RIMS1: variants seen among roughly 807,000 people sequenced by gnomAD.
RIMS1 encodes regulating synaptic membrane exocytosis protein 1.
Under a neutral mutation model 214.1 loss-of-function variants are expected in RIMS1, and 83 were observed. That is an observed-to-expected ratio of 0.39 (90% CI 0.32 to 0.47). RIMS1 has a LOEUF of 0.47. RIMS1 is among the 20% of genes least tolerant of loss of function. The pLI is 0.99. For synonymous variants in RIMS1, 793 were observed against 786.8 expected, an observed-to-expected ratio of 1.01 and a Z score of -0.13; for missense variants, 2,050 against 2,161.8, an observed-to-expected ratio of 0.95 and a Z score of 1.03.
intron 2 of RIMS1, among the ~76,000 whole-genome samples, chr6:72,068,377 G>T (rs1054488730): frequency 6.6e-6 from 1 of 151,832 alleles, no homozygotes; most frequent in Admixed American, 6.6e-5. Context: ...AAAAATCATC[G>T]TGCTTAAGCA....
chr6:72,122,308 C>T (rs2038547346), intron 4 of RIMS1, among the ~76,000 whole-genome samples: 1 of 150,880 alleles, frequency 6.6e-6, no homozygotes, highest in South Asian at 2.1e-4. Flanking sequence ...AGGTTCATGC[C>T]ATTCTCCTGC....
chr6:72,254,829 C>T (rs2075096657), intron 16 of RIMS1, among the ~76,000 whole-genome samples: 1 of 152,142 alleles, frequency 6.6e-6, no homozygotes, highest in Admixed American at 6.6e-5. Flanking sequence ...TACTTATATT[C>T]CATACTGAAA....
At chr6:72,170,822 AAAT>A (rs2046927340) in intron 4 of RIMS1, among the ~76,000 whole-genome samples, 2 of 152,292 alleles carry the variant, frequency 1.3e-5, no homozygotes, top group South Asian at 4.1e-4. Context: ...TTGCAAAATA[AAAT>A]AATATTTATT....
chr6:72,133,862 C>T (rs1172059411), intron 4 of RIMS1, among the ~76,000 whole-genome samples: 1 of 152,068 alleles, frequency 6.6e-6, no homozygotes, highest in Non-Finnish European at 1.5e-5. Context: ...AAGATAGTTA[C>T]AGAGGGTGGG....
At chr6:71,959,992 G>C (rs1053947757) in intron 1 of RIMS1, among the ~76,000 whole-genome samples, 1 of 152,144 alleles carries the variant, frequency 6.6e-6, no homozygotes, top group African/African-American at 2.4e-5. Context: ...CAGGCCCACT[G>C]TAGGTGCCAG....
At chr6:72,151,672 ATC>A (rs1023773940) in intron 4 of RIMS1, among the ~76,000 whole-genome samples, 1 of 152,166 alleles carries the variant, frequency 6.6e-6, no homozygotes, top group Non-Finnish European at 1.5e-5. Context: ...AGTATCATAT[ATC>A]TCTCTCTATC....
chr6:72,200,351 A>G (rs1166565971), intron 6 of RIMS1, among the ~76,000 whole-genome samples: 1 of 152,114 alleles, frequency 6.6e-6, no homozygotes, highest in African/African-American at 2.4e-5. Context: ...AAAAGAGTCC[A>G]CCTGATTTCT....
intron 1 of RIMS1, among the ~76,000 whole-genome samples, chr6:71,933,346 C>T (rs191268125): frequency 9.9e-5 from 15 of 152,224 alleles, no homozygotes; most frequent in Admixed American, 7.9e-4. Context: ...GTCTTTCTCC[C>T]CAGTTGACTC....
At chr6:72,167,997 T>C (rs1363154841) in intron 4 of RIMS1, among the ~76,000 whole-genome samples, 2 of 152,104 alleles carry the variant, frequency 1.3e-5, no homozygotes, top group South Asian at 4.1e-4. Flanking sequence ...TTTTGAAAGA[T>C]CTGGAAATGG....
intron 6 of RIMS1, among the ~76,000 whole-genome samples, chr6:72,199,012 C>G (rs1403976474): frequency 2.0e-5 from 3 of 151,876 alleles, no homozygotes; most frequent in Admixed American, 1.3e-4. Context: ...CCCAGAAATT[C>G]AATGCAAGGA....
At position 72,250,907 on chromosome 6, in the gene RIMS1, T is replaced by C; in HGVS notation, c.2373-14T>C. 7.0e-7 allele frequency: 1 copy of C among 1,437,836 alleles called. No individual in the cohort carries two copies. The allele number at this position is 1,437,836 out of a possible 1,614,324, so 89.1% of individuals were successfully genotyped here. On this transcript the variant is annotated splice_polypyrimidine_tract_variant and intron_variant, in intron 13 of 33. Transcript: ENST00000521978. ...TACTTGCTTTTTCATTTACAAAACA[T>C]ACTTATTTTTCAGTGATAAAAGTAA...
rs188869983 is a variant in RIMS1, at chr6:72,155,980, A to G, written c.472-23595A>G. ...TGTTAGAAGATAACAAGTGTTGGTG[A>G]GGATATGGAGAAAAAAATAACACTT... On this transcript the variant is annotated intron_variant, in intron 4 of 33. Transcript: ENST00000521978. 8.2e-4 allele frequency: 194 copies of G among 236,094 alleles called. 14 individuals carry two copies. Among genetic ancestry groups the G allele is most frequent in the African/African-American group, 4.1e-3 (179 of 43,738 alleles). 14.6% of individuals were successfully genotyped at this position (236,094 alleles called of 1,614,324 possible).
intron 19 of RIMS1, chr6:72,263,107 A>T (rs1027633979): frequency 1.0e-6 from 1 of 983,172 alleles, no homozygotes; most frequent in African/African-American, 1.7e-5. Context: ...GTCCTATGAG[A>T]TGTTTCACCA....
chr6:71,947,751 T>C (rs184332886), intron 1 of RIMS1, among the ~76,000 whole-genome samples: 15 of 152,278 alleles, frequency 9.9e-5, no homozygotes, highest in African/African-American at 2.6e-4. Context: ...GTTTAGCCAC[T>C]GCATAGTGTA....
chr6:72,154,929 G>A (rs56125271), intron 4 of RIMS1, among the ~76,000 whole-genome samples: 9,571 of 140,148 alleles, frequency 0.068, 2,019 homozygotes, highest in Middle Eastern at 0.12. Flanking sequence ...GAATGGTTGA[G>A]AGAGGCTGGG....
chr6:72,257,279 A>T (rs2076273949), intron 16 of RIMS1, among the ~76,000 whole-genome samples: 1 of 152,110 alleles, frequency 6.6e-6, no homozygotes, highest in South Asian at 2.1e-4. Flanking sequence ...AAAAATTTTA[A>T]ACTCTAAACT....
At chr6:72,277,531 G>T (rs971516629) in intron 23 of RIMS1, among the ~76,000 whole-genome samples, 1 of 149,860 alleles carries the variant, frequency 6.7e-6, no homozygotes, top group Non-Finnish European at 1.5e-5. Flanking sequence ...GCAGTGAGCC[G>T]ACATCGCGCC....
rs549292023 is a variant in RIMS1, at chr6:71,994,110, C to T, written c.245+25047C>T. On this transcript the variant is annotated intron_variant, in intron 2 of 33. Coordinates refer to ENST00000521978, the MANE Select transcript of RIMS1 (RefSeq NM_014989.7). ...TATAGTTTGTTTTATCAAGACAGCT[C>T]GTGGGAGATGGTAATGGGAATTCCC... 2.1e-4 allele frequency among the ~76,000 whole-genome samples: 32 copies of T among 152,176 alleles called. No homozygotes were observed. The South Asian group carries it at 3.5e-3, about 17-fold the overall frequency.
chr6:72,167,632 T>A (rs1483658585), intron 4 of RIMS1, among the ~76,000 whole-genome samples: 4 of 152,158 alleles, frequency 2.6e-5, no homozygotes, highest in Non-Finnish European at 5.9e-5. Flanking sequence ...TAAAGGACTA[T>A]TCGGGTTTTC....
Sources: gnomAD v4.1 joint callset for allele counts (sites outside exome capture counted in the v4.1 genomes callset) on GRCh38, gnomAD v4.1.1 for gene constraint, MANE v1.5 for transcripts, NCBI Gene and HGNC (gene_info 2026-07-23, HGNC 2026-07-21) for gene names.